RALGAPA2: variants seen among roughly 807,000 people sequenced by gnomAD.
RALGAPA2 encodes the protein Ral GTPase activating protein catalytic subunit alpha 2, also known as ral GTPase-activating protein subunit alpha-2.
RALGAPA2 carries 139 observed loss-of-function variants against 230.4 expected under a neutral mutation model. The observed-to-expected ratio is 0.60, with a 90% CI of 0.53 to 0.69. RALGAPA2 has a LOEUF of 0.69. Among genes scored for constraint, RALGAPA2 ranks in the 30% least tolerant of loss-of-function variants. The pLI, the probability that RALGAPA2 is intolerant of heterozygous loss-of-function variation, is 0.00. For synonymous variants in RALGAPA2, 847 were observed against 837.8 expected (o/e 1.01, Z -0.19); for missense variants, 2,163 against 2,276.0 (o/e 0.95, Z 1.01).
Position 20,512,749 on chromosome 20 carries a change from T to G in RALGAPA2, c.4620A>C (p.Leu1540=), listed in dbSNP as rs2062750555. 2 of 1,613,870 alleles carry G rather than the reference T, an allele frequency of 1.2e-6. No individual in the cohort carries two copies. The highest frequency in any genetic ancestry group is 1.7e-5 in the Admixed American group (1 of 60,030). ...GGGTTAGGGAAGGTTCATTTAGATT[T>G]AGCTGTGACGGTAAAAGGCATTCAG... ...TSPECLLPSQ[L]NLNEPSLTPC... Residue 1540 remains leucine, a synonymous_variant, in exon 32 of 40, where the codon CTA becomes CTC. Coordinates refer to ENST00000202677, the MANE Select transcript of RALGAPA2 (RefSeq NM_020343.4).
intron 10 of RALGAPA2, among the ~76,000 whole-genome samples, chr20:20,621,637 A>G (rs2146354137): frequency 6.6e-6 from 1 of 152,296 alleles, no homozygotes; most frequent in South Asian, 2.1e-4. Flanking sequence ...AGCATTGTGC[A>G]TATTTATAAG....
intron 16 of RALGAPA2, among the ~76,000 whole-genome samples, chr20:20,597,408 T>C (rs2065489068): frequency 1.3e-5 from 2 of 152,178 alleles, no homozygotes; most frequent in African/African-American, 4.8e-5. Flanking sequence ...AAGAGTTTTC[T>C]AAGAAACATT....
At chr20:20,435,102 T>G (rs2060580940) in intron 37 of RALGAPA2, among the ~76,000 whole-genome samples, 1 of 152,236 alleles carries the variant, frequency 6.6e-6, no homozygotes. Flanking sequence ...AATGCCATGT[T>G]TGCCAATGCT....
At chr20:20,676,700 C>T (rs2068335157) in intron 2 of RALGAPA2, among the ~76,000 whole-genome samples, 1 of 152,204 alleles carries the variant, frequency 6.6e-6, no homozygotes, top group Non-Finnish European at 1.5e-5. Flanking sequence ...GGCAACTGCA[C>T]ACTGTCCTAT....
chr20:20,408,435 T>C (rs1201502974), intron 38 of RALGAPA2, among the ~76,000 whole-genome samples: 1 of 152,272 alleles, frequency 6.6e-6, no homozygotes, highest in Non-Finnish European at 1.5e-5. Context: ...TCAGGTCCAA[T>C]GTAAAGTTCC....
chr20:20,510,399 T>C (rs1188376250), intron 33 of RALGAPA2, among the ~76,000 whole-genome samples: 2 of 152,056 alleles, frequency 1.3e-5, no homozygotes, highest in Admixed American at 1.3e-4. Context: ...AGTTAATGAG[T>C]AGTAAGAAAA....
intron 1 of RALGAPA2, among the ~76,000 whole-genome samples, chr20:20,681,036 G>C (rs1212683085): frequency 1.3e-5 from 2 of 152,202 alleles, no homozygotes; most frequent in African/African-American, 4.8e-5. Flanking sequence ...AATTCAGGGA[G>C]GTCGGAGCTG....
In RALGAPA2 at chr20:20,712,499, G is replaced by C. The variant is rs377326768; in HGVS notation, c.-19C>G. 1 of 1,540,504 alleles carries C rather than the reference G, an allele frequency of 6.5e-7. No individual in the cohort carries two copies. The highest frequency in any genetic ancestry group is 1.4e-5 in the African/African-American group (1 of 71,428). ...AGAACATCCCGCGGCAGGAAGCCCG[G>C]GCCCCGCCGGCGGGGCAGTAGGCGC... is the stretch of plus-strand genomic sequence containing the variant. On this transcript the variant is annotated 5_prime_UTR_variant, in exon 1 of 40. Transcript: ENST00000202677. The surrounding 1 kb of genome is among the most constrained non-coding windows in gnomAD (Gnocchi z 5.5).
At chr20:20,540,501 T>C (rs2063615291) in intron 24 of RALGAPA2, among the ~76,000 whole-genome samples, 2 of 152,242 alleles carry the variant, frequency 1.3e-5, no homozygotes, top group South Asian at 4.1e-4. Context: ...TCTTTTACTG[T>C]AGTTTCAAAG....
intron 38 of RALGAPA2, among the ~76,000 whole-genome samples, chr20:20,411,493 G>T (rs929763162): frequency 9.9e-5 from 15 of 152,208 alleles, no homozygotes; most frequent in Non-Finnish European, 2.2e-4. Context: ...ACCAGGTGCT[G>T]CTCCGGTCGG....
At chr20:20,599,690 C>T (rs1056755948) in intron 16 of RALGAPA2, among the ~76,000 whole-genome samples, 5 of 152,126 alleles carry the variant, frequency 3.3e-5, no homozygotes, top group Non-Finnish European at 5.9e-5. Context: ...TTTGCCTATT[C>T]GAATTCCCAA....
At chr20:20,558,858 C>A (rs575145323) in intron 23 of RALGAPA2, among the ~76,000 whole-genome samples, 1 of 150,384 alleles carries the variant, frequency 6.6e-6, no homozygotes, top group African/African-American at 2.4e-5. Flanking sequence ...CACAGACTAG[C>A]GTGCCCCATG....
intron 1 of RALGAPA2, among the ~76,000 whole-genome samples, chr20:20,709,318 C>CAAA (rs111600711): frequency 7.1e-6 from 1 of 140,250 alleles, no homozygotes; most frequent in Non-Finnish European, 1.6e-5. Flanking sequence ...GACTCCATCT[C>CAAA]AAAAAAAAAA....
At chr20:20,656,119 TCTC>T (rs1276408312) in intron 3 of RALGAPA2, among the ~76,000 whole-genome samples, 1 of 152,056 alleles carries the variant, frequency 6.6e-6, no homozygotes, top group Non-Finnish European at 1.5e-5. Flanking sequence ...ACATGAGAGC[TCTC>T]TTTTGAGAGA....
chr20:20,641,218 G>C (rs896617816), intron 5 of RALGAPA2, among the ~76,000 whole-genome samples: 1 of 152,176 alleles, frequency 6.6e-6, no homozygotes, highest in African/African-American at 2.4e-5. Flanking sequence ...TAAAGACTGA[G>C]TTAACATATG....
chr20:20,406,565 G>A (rs1387515283), intron 38 of RALGAPA2, among the ~76,000 whole-genome samples: 2 of 152,208 alleles, frequency 1.3e-5, no homozygotes, highest in Non-Finnish European at 2.9e-5. Context: ...AGGGTGCTGA[G>A]TGGGATGGCT....
At chr20:20,584,828 T>C in intron 19 of RALGAPA2, 37 bp downstream of exon 19, 1 of 1,398,618 alleles carries the variant, frequency 7.1e-7, no homozygotes, top group Non-Finnish European at 1.0e-6. Flanking sequence ...ACATATCAAC[T>C]CTGTAGTTGG....
At chr20:20,639,010 G>A (rs1283470178) in intron 7 of RALGAPA2, among the ~76,000 whole-genome samples, 3 of 152,192 alleles carry the variant, frequency 2.0e-5, no homozygotes, top group South Asian at 2.1e-4. Context: ...AAATCCCCTC[G>A]AAGAATGAGG....
At chr20:20,399,705 G>A (rs1241116914) in intron 38 of RALGAPA2, among the ~76,000 whole-genome samples, 1 of 152,252 alleles carries the variant, frequency 6.6e-6, no homozygotes, top group African/African-American at 2.4e-5. Flanking sequence ...TGTGTTATGT[G>A]CGGCTCCGCC....
Sources: gnomAD v4.1 joint callset for allele counts (sites outside exome capture counted in the v4.1 genomes callset) on GRCh38, gnomAD v4.1.1 for gene constraint, Gnocchi (gnomAD v3.1) non-coding constraint, MANE v1.5 for transcripts, NCBI Gene and HGNC (gene_info 2026-07-23, HGNC 2026-07-21) for gene names.